RRAGB: variants seen among roughly 807,000 people sequenced by gnomAD.
RRAGB encodes Ras related GTP binding B.
RRAGB carries 6 observed loss-of-function variants against 29.3 expected under a neutral mutation model. The observed-to-expected ratio is 0.21, with a 90% CI of 0.11 to 0.40. The LOEUF (loss-of-function observed/expected upper bound fraction) is 0.40, where lower values mean the gene tolerates loss of function less well. Ranked by LOEUF, RRAGB falls within the 10% of genes least tolerant of loss-of-function variation. The probability of loss-of-function intolerance (pLI) is 1.00; values close to 1 mark genes in which losing one functional copy is unlikely to be tolerated. For synonymous variants in RRAGB, 101 were observed against 92.5 expected, an observed-to-expected ratio of 1.09 and a Z score of -0.53; for missense variants, 184 against 272.9, an observed-to-expected ratio of 0.67 and a Z score of 2.29.
intron 5 of RRAGB, among the ~76,000 whole-genome samples, chrX:55,739,001 C>T (rs766881456): frequency 8.9e-6 from 1 of 112,408 alleles, no homozygotes; most frequent in Non-Finnish European, 1.9e-5. Flanking sequence ...ACAACTGACT[C>T]TGCTGCACAA....
intron 5 of RRAGB, among the ~76,000 whole-genome samples, chrX:55,734,329 A>C (rs1269010288): frequency 9.8e-6 from 1 of 101,754 alleles, no homozygotes; most frequent in Admixed American, 1.1e-4. Context: ...CAGGATTTCT[A>C]TTTCTTTTCC....
chrX:55,747,967 G>T (rs184017095), intron 5 of RRAGB, among the ~76,000 whole-genome samples: 1,417 of 111,860 alleles, frequency 0.013, 73 homozygotes, highest in Admixed American at 0.12. Flanking sequence ...CAACCTCCCT[G>T]CCTGATTCTC....
chrX:55,731,261 C>A (rs371565731), intron 4 of RRAGB, 103 bp from the exon 5 acceptor site: 2 of 589,074 alleles, frequency 3.4e-6, no homozygotes. Context: ...TAAATTGAAG[C>A]CTTAAGATTA....
intron 5 of RRAGB, 187 bp downstream of exon 5, chrX:55,731,773 A>G: frequency 2.5e-6 from 1 of 392,216 alleles, no homozygotes; most frequent in Non-Finnish European, 4.4e-6. Context: ...GGAAAGATTT[A>G]TTAGTAAATA....
Position 55,757,222 on chromosome X carries a change from G to A in RRAGB, c.834G>A (p.Leu278=). The A allele has an allele frequency of 8.6e-7, 1 of 1,160,016 alleles. No individual in the cohort carries two copies. ...CTTCTTCATTTTCCTATAGCAAGCT[G>A]GCTGCCTCTTTCCAGAGTATGGAAG... The part of the protein sequence containing the change: ...IKQFKLSCSK[L]AASFQSMEVR... Residue 278 remains leucine, a synonymous_variant, in exon 9 of 10, where the codon CTG becomes CTA. Coordinates refer to ENST00000374941, the MANE Select transcript of RRAGB (RefSeq NM_006064.5).
chrX:55,722,998 T>G (rs2033340082), intron 3 of RRAGB, among the ~76,000 whole-genome samples: 1 of 111,071 alleles, frequency 9.0e-6, no homozygotes, highest in Non-Finnish European at 1.9e-5. Flanking sequence ...ACACATTTCC[T>G]GAAGTTTCAA....
chrX:55,722,357 C>G, intron 3 of RRAGB, 72 bp downstream of exon 3: 1 of 688,435 alleles, frequency 1.5e-6, no homozygotes, highest in Admixed American at 2.4e-5. Flanking sequence ...CACTTGGTTT[C>G]AGTACCTTGG....
chrX:55,737,960 C>T (rs1286575703), intron 5 of RRAGB, among the ~76,000 whole-genome samples: 1 of 112,267 alleles, frequency 8.9e-6, no homozygotes, highest in African/African-American at 3.2e-5. Flanking sequence ...CCCTAAATCG[C>T]AGCCCACTCT....
Position 55,750,184 on chromosome X carries a change from ATGTGTGTGTG to A in RRAGB, c.517-889_517-880del, listed in dbSNP as rs141091954. 6.3e-4 allele frequency among the ~76,000 whole-genome samples: 59 copies of A among 93,972 alleles called. 1 individual carries two copies. The highest frequency in any genetic ancestry group is 1.1e-3 in the South Asian group (2 of 1,741). 81.6% of individuals were successfully genotyped at this position (93,972 alleles called of 115,157 possible). ...TATACATATACATACATACATACGTATGTGTGTGTGTGTGTGTGTGTGTGTGTGTGTGTGT... is the reference window on the plus strand; with the variant it reads ...TATACATATACATACATACATACGTATGTGTGTGTGTGTGTGTGTGTGTGT... On this transcript the variant is annotated intron_variant, in intron 5 of 9. Transcript: ENST00000374941.
At chrX:55,740,588 C>G (rs1159373939) in intron 5 of RRAGB, among the ~76,000 whole-genome samples, 1 of 111,401 alleles carries the variant, frequency 9.0e-6, no homozygotes, top group African/African-American at 3.3e-5. Flanking sequence ...AGTTGGTTGG[C>G]AAGAGGTAAG....
chrX:55,726,568 G>A (rs2033484736), intron 3 of RRAGB, among the ~76,000 whole-genome samples: 1 of 111,154 alleles, frequency 9.0e-6, no homozygotes, highest in South Asian at 3.8e-4. Context: ...GGTGATGATA[G>A]TGGATATGGT....
intron 4 of RRAGB, among the ~76,000 whole-genome samples, chrX:55,730,586 C>A (rs2033643322): frequency 8.9e-6 from 1 of 112,021 alleles, no homozygotes; most frequent in African/African-American, 3.2e-5. Flanking sequence ...TGGAAAGCAG[C>A]ACTTAGCCTA....
chrX:55,755,231 A>T (rs2034627943), intron 7 of RRAGB: 1 of 749,548 alleles, frequency 1.3e-6, no homozygotes, highest in Non-Finnish European at 1.6e-6. Context: ...TTTGCTTCCT[A>T]CTAGACACTC....
At position 55,749,193 on chromosome X, in the gene RRAGB, G is replaced by A. The variant is rs867993918; in HGVS notation, c.517-1908G>A. 1.1e-3 allele frequency among the ~76,000 whole-genome samples: 91 copies of A among 84,199 alleles called. 4 individuals carry two copies. The highest frequency in any genetic ancestry group is 3.3e-3 in the Admixed American group (26 of 7,854). The allele number at this position is 84,199 out of a possible 115,157, so 73.1% of individuals were successfully genotyped here. A position where few individuals can be genotyped will look rare whatever the true frequency, so the allele number is the denominator to read the frequency against. ...CCCGTCCGGGAGGGAAGTGGGGGGGGTCAGCCCCCCGCCTGGCCAGCCGCC... is the reference window on the plus strand; with the variant it reads ...CCCGTCCGGGAGGGAAGTGGGGGGGATCAGCCCCCCGCCTGGCCAGCCGCC... On this transcript the variant is annotated intron_variant, in intron 5 of 9. Coordinates refer to ENST00000374941, the MANE Select transcript of RRAGB (RefSeq NM_006064.5).
intron 5 of RRAGB, among the ~76,000 whole-genome samples, chrX:55,744,404 A>G (rs951388908): frequency 1.1e-4 from 11 of 103,658 alleles, no homozygotes; most frequent in African/African-American, 3.8e-4. Flanking sequence ...AAAAAAAAAA[A>G]GTAGTATAGC....
rs1002414565 is a variant in RRAGB at position 55,718,018 on chromosome X, C to T, written c.-310C>T. ...AGACCTTGGGGGCCTGAGGCCCAAA[C>T]TCGGGACGAACCCCTAACCCACCTC... On this transcript the variant is annotated 5_prime_UTR_variant, in exon 1 of 10. Transcript: ENST00000374941. The T allele has an allele frequency of 5.1e-6, 1 of 195,209 alleles. No homozygotes were observed. The highest frequency in any genetic ancestry group is 9.4e-6 in the Non-Finnish European group (1 of 106,002). The allele number at this position is 195,209 out of a possible 1,213,427, so 16.1% of individuals were successfully genotyped here.
Position 55,750,175 on chromosome X carries a change from T to TA in RRAGB, c.517-925dup, listed in dbSNP as rs1200950137. On this transcript the variant is annotated intron_variant, in intron 5 of 9. Transcript: ENST00000374941. ...ATATGTGAATATACATATACATACATACATACGTATGTGTGTGTGTGTGTG... is the reference window on the plus strand; with the variant it reads ...ATATGTGAATATACATATACATACATAACATACGTATGTGTGTGTGTGTGTG... 7.1e-5 allele frequency among the ~76,000 whole-genome samples: 5 copies of TA among 69,966 alleles called. No individual in the cohort carries two copies. The Admixed American group carries it at 7.3e-4, about 10-fold the overall frequency. The allele number at this position is 69,966 out of a possible 115,157, so 60.8% of individuals were successfully genotyped here.
chrX:55,749,009 T>TG (rs748922776), intron 5 of RRAGB, among the ~76,000 whole-genome samples: 184 of 56,352 alleles, frequency 3.3e-3, no homozygotes, highest in Middle Eastern at 0.023. Flanking sequence ...GGGAGGGAGG[T>TG]GGGGGGGTCA....
intron 3 of RRAGB, among the ~76,000 whole-genome samples, chrX:55,727,935 G>A (rs1205307559): frequency 9.0e-6 from 1 of 110,982 alleles, no homozygotes; most frequent in Non-Finnish European, 1.9e-5. Flanking sequence ...GAGAGATGAT[G>A]GTAAGTAGGG....
Sources: allele counts gnomAD v4.1 joint callset (sites outside exome capture counted in the v4.1 genomes callset), GRCh38; gene constraint gnomAD v4.1.1; transcripts MANE v1.5; gene names NCBI Gene and HGNC (gene_info 2026-07-23, HGNC 2026-07-21).